The following MUC17 variants were observed in gnomAD, a reference collection of about 807,000 sequenced individuals.
MUC17 encodes mucin-17.
In MUC17, 190 loss-of-function variants were observed where a neutral mutation model predicts 170.3. The ratio of observed to expected loss-of-function variants is 1.12; its 90% CI spans 0.99 to 1.26. MUC17 has a LOEUF of 1.26. MUC17 is among the 50% of genes most tolerant of loss of function. The pLI, the probability that MUC17 is intolerant of heterozygous loss-of-function variation, is 0.00. For synonymous variants in MUC17, 2,325 were observed against 2,002.5 expected (o/e 1.16, Z -4.30); for missense variants, 6,415 against 5,530.0 (o/e 1.16, Z -5.08).
intron 1 of MUC17, among the ~76,000 whole-genome samples, chr7:101,021,514 C>A (rs920399246): frequency 1.2e-4 from 18 of 152,058 alleles, no homozygotes; most frequent in African/African-American, 3.9e-4. Flanking sequence ...TCTGCTCCTC[C>A]CTTCCCTCTT....
chr7:101,043,893 A>G (rs779067497), intron 3 of MUC17, 74 bp downstream of exon 3: 67 of 1,407,726 alleles, frequency 4.8e-5, no homozygotes, highest in Non-Finnish European at 6.2e-5. Context: ...CACAACGTGC[A>G]GGTTTGTTAC....
Position 101,037,745 on chromosome 7 carries a change from G to T in MUC17, c.6329G>T (p.Ser2110Ile). Reference sequence around the variant, plus strand: ...CCTCTACTAACAAGTATACCTCTCAGCACCACGCCGGTGGCCAGTCCTGAG... The same window carrying T: ...CCTCTACTAACAAGTATACCTCTCATCACCACGCCGGTGGCCAGTCCTGAG... ...GSPLLTSIPL[S>I]TTPVASPEAS... Residue 2110 changes from serine to isoleucine, a missense_variant, in exon 3 of 13, where the codon AGC becomes ATC. By Grantham distance (142) the Ser-to-Ile change is moderately radical (BLOSUM62 -2). Coordinates refer to ENST00000306151, the MANE Select transcript of MUC17 (RefSeq NM_001040105.2). 9 of 1,613,832 alleles carry T rather than the reference G, an allele frequency of 5.6e-6. No individual in the cohort carries two copies. Among genetic ancestry groups the T allele is most frequent in the Non-Finnish European group, 6.8e-6 (8 of 1,179,878 alleles).
chr7:101,036,870 G>C lies in MUC17; in HGVS notation c.5454G>C (p.Thr1818=). 6.2e-7 allele frequency: 1 copy of C among 1,607,998 alleles called. No homozygotes were observed. Among genetic ancestry groups the C allele is most frequent in the Non-Finnish European group, 8.5e-7 (1 of 1,177,564 alleles). ...TPLTSTPVSH[T]LVANSEASTL... The stretch of plus-strand genomic sequence containing the variant: ...TAACAAGCACACCTGTCAGCCACAC[G>C]CTGGTGGCCAATTCTGAGGCTAGCA... The change falls in exon 3 of 13, where the codon ACG becomes ACC. Residue 1818 remains threonine, a synonymous_variant. Transcript: ENST00000306151.
chr7:101,042,914 G>A lies in MUC17; in HGVS notation c.11498G>A (p.Ser3833Asn), dbSNP rs757438734. 1 of 1,614,054 alleles carries A rather than the reference G, an allele frequency of 6.2e-7. No individual in the cohort carries two copies. Among genetic ancestry groups the A allele is most frequent in the Non-Finnish European group, 8.5e-7 (1 of 1,180,016 alleles). Residue 3833 changes from serine to asparagine, a missense_variant, in exon 3 of 13, where the codon AGC becomes AAC. Physicochemically the swap from Ser to Asn is conservative, Grantham distance 46. Coordinates refer to ENST00000306151, the MANE Select transcript of MUC17 (RefSeq NM_001040105.2). The stretch of plus-strand genomic sequence containing the variant: ...TCTGTGATGAGTCCTTCTGAGGCCA[G>A]CACACTTTCAACACCTCCTGGTGAT... ...PISVMSPSEA[S>N]TLSTPPGDTS...
intron 3 of MUC17, among the ~76,000 whole-genome samples, 187 bp from the exon 4 acceptor site, chr7:101,047,797 C>T (rs1409508947): frequency 6.6e-6 from 1 of 152,164 alleles, no homozygotes; most frequent in Non-Finnish European, 1.5e-5. Context: ...CGCCATTGCA[C>T]TCCAGCCTGG....
intron 6 of MUC17, among the ~76,000 whole-genome samples, chr7:101,049,810 G>T (rs564640675): frequency 1.3e-5 from 2 of 152,240 alleles, no homozygotes; most frequent in Admixed American, 6.5e-5. Flanking sequence ...ACATTCTGAG[G>T]TTCTGGAGGT....
At position 101,020,190 on chromosome 7, in the gene MUC17, T is replaced by C. The variant is rs778339811; in HGVS notation, c.55T>C (p.Leu19=). Reference sequence around the variant, plus strand: ...TCTGCTGACCTTGGTCCTCTCGCTCTTGCCCCCACAAGCTGCTGCAGAACA... The same window carrying C: ...TCTGCTGACCTTGGTCCTCTCGCTCCTGCCCCCACAAGCTGCTGCAGAACA... ...LCLLTLVLSL[L]PPQAAAEQDL... is the part of the protein sequence containing the mutation. Residue 19 remains leucine (L), a synonymous_variant, in exon 1 of 13, where the codon TTG becomes CTG. Transcript: ENST00000306151. 2 of 1,609,934 alleles carry C rather than the reference T, an allele frequency of 1.2e-6. No individual in the cohort carries two copies. Among genetic ancestry groups the C allele is most frequent in the Non-Finnish European group, 8.5e-7 (1 of 1,178,206 alleles).
At chr7:101,044,263 G>C (rs1348824567) in intron 3 of MUC17, among the ~76,000 whole-genome samples, 1 of 152,094 alleles carries the variant, frequency 6.6e-6, no homozygotes, top group Non-Finnish European at 1.5e-5. Context: ...ATCTGACAAA[G>C]AGCTAATATC....
rs550020068 is a variant in MUC17, at chr7:101,032,443, A to G, written c.1027A>G (p.Thr343Ala). ...STPLTSTPASTMPVATSEMST... is the reference protein window; with the variant it reads ...STPLTSTPASAMPVATSEMST... ...TCCATTAACAAGTACGCCTGCCAGC[A>G]CCATGCCGGTTGCCACTTCTGAAAT... Residue 343 changes from threonine to alanine, a missense_variant, in exon 3 of 13, where the codon ACC (threonine) becomes GCC (alanine). Coordinates refer to ENST00000306151, the MANE Select transcript of MUC17 (RefSeq NM_001040105.2). 6.2e-7 allele frequency: 1 copy of G among 1,613,880 alleles called. No homozygotes were observed. The highest frequency in any genetic ancestry group is 1.7e-5 in the Admixed American group (1 of 60,008).
chr7:101,020,120 C>G lies in MUC17; in HGVS notation c.-16C>G. ...CTCTGGGGGTGACAGGCAAGTGAGA[C>G]GTGCTCAGAGCTCCGATGCCAAGGC... On this transcript the variant is annotated 5_prime_UTR_variant, in exon 1 of 13. Transcript: ENST00000306151. 3.2e-6 allele frequency: 5 copies of G among 1,580,888 alleles called. No individual in the cohort carries two copies. Among genetic ancestry groups the G allele is most frequent in the East Asian group, 4.7e-5 (2 of 42,770 alleles).
At position 101,049,361 on chromosome 7, in the gene MUC17, G is replaced by T. The variant is rs1364213124; in HGVS notation, c.12701G>T (p.Gly4234Val). Residue 4234 changes from glycine to valine, a missense_variant, in exon 6 of 13, where the codon GGG (glycine) becomes GTG (valine). By Grantham distance (109) the Gly-to-Val change is moderately radical. Transcript: ENST00000306151. The part of the protein sequence containing the change: ...IVYSGIPEYV[G>V]VNITKLRLGS... The stretch of plus-strand genomic sequence containing the variant: ...TATTCCGGGATCCCTGAGTATGTCG[G>T]GGTGAACATCACAAAGCTACGGTAA... 6.2e-7 allele frequency: 1 copy of T among 1,613,416 alleles called. No individual in the cohort carries two copies. The highest frequency in any genetic ancestry group is 1.3e-5 in the African/African-American group (1 of 74,896).
rs10243638 is a variant in MUC17, at chr7:101,022,859, C to T, written c.82+2642C>T. Among the ~76,000 whole-genome samples the T allele has an allele frequency of 2.8e-3, 426 of 152,162 alleles. 2 individuals are homozygous for T. The highest frequency in any genetic ancestry group is 9.8e-3 in the African/African-American group (405 of 41,500). ...CACCCACCTCCTCCAGGGAGCCTTC[C>T]AGGAATCTGCACTAACTCTCCTTGC... On this transcript the variant is annotated intron_variant, in intron 1 of 12. Coordinates refer to ENST00000306151, the MANE Select transcript of MUC17 (RefSeq NM_001040105.2).
At chr7:101,028,367 G>A (rs911620610) in intron 1 of MUC17, among the ~76,000 whole-genome samples, 1 of 152,018 alleles carries the variant, frequency 6.6e-6, no homozygotes, top group Admixed American at 6.6e-5. Context: ...GGGATTACAG[G>A]CATAAGCCAC....
chr7:101,052,997 C>G lies in MUC17; in HGVS notation c.13115C>G (p.Thr4372Arg), dbSNP rs199864047. The G allele has an allele frequency of 1.2e-6, 2 of 1,612,872 alleles. No homozygotes were observed. The highest frequency in any genetic ancestry group is 8.5e-7 in the Non-Finnish European group (1 of 1,179,404). The change falls in exon 10 of 13, where the codon ACG becomes AGG. Residue 4372 changes from threonine to arginine, a missense_variant. Coordinates refer to ENST00000306151, the MANE Select transcript of MUC17 (RefSeq NM_001040105.2). The part of the protein sequence containing the change: ...LSGPQCLCVT[T>R]ETHWYSGETC... Reference sequence around the variant, plus strand: ...CTCTCCCATCTCAGCTGCGTGACCACGGAAACTCACTGGTACAGTGGGGAG... The same window carrying G: ...CTCTCCCATCTCAGCTGCGTGACCAGGGAAACTCACTGGTACAGTGGGGAG...
At chr7:101,046,803 G>A (rs372607848) in intron 3 of MUC17, among the ~76,000 whole-genome samples, 2 of 152,048 alleles carry the variant, frequency 1.3e-5, no homozygotes, top group African/African-American at 2.4e-5. Context: ...TAAAATGCCC[G>A]GCACAGTGGC....
chr7:101,042,400 AC>A lies in MUC17; in HGVS notation c.10986del (p.Ser3663AlafsTer4). ...CACAGCTTCAACACTTCCTGTTGAC[AC>A]CAGCACACCTGTGATCACTTCTACC... ...AGTASTLPVD[T>X]STPVITSTQV... On this transcript the variant is annotated frameshift_variant, in exon 3 of 13. Coordinates refer to ENST00000306151, the MANE Select transcript of MUC17 (RefSeq NM_001040105.2). LOFTEE classifies it high-confidence loss of function. 1 of 1,614,126 alleles carries A rather than the reference AC, an allele frequency of 6.2e-7. No homozygotes were observed. The highest frequency in any genetic ancestry group is 8.5e-7 in the Non-Finnish European group (1 of 1,179,978).
intron 1 of MUC17, 103 bp downstream of exon 1, chr7:101,020,320 A>AG: frequency 1.1e-6 from 1 of 922,844 alleles, no homozygotes; most frequent in Non-Finnish European, 1.6e-6. Flanking sequence ...GGACACCAAT[A>AG]GGGGTGTGCC....
intron 1 of MUC17, among the ~76,000 whole-genome samples, chr7:101,024,816 C>A (rs1209890804): frequency 8.3e-5 from 12 of 144,350 alleles, no homozygotes; most frequent in African/African-American, 2.9e-4. Context: ...GATGTCAGCT[C>A]ACTGCAACCT....
At chr7:101,056,930 T>A (rs116249972) in intron 12 of MUC17, among the ~76,000 whole-genome samples, 1 of 152,270 alleles carries the variant, frequency 6.6e-6, no homozygotes, top group Non-Finnish European at 1.5e-5. Flanking sequence ...TAGAATGGGC[T>A]CCTACATTTT....
Sources: allele counts gnomAD v4.1 joint callset (sites outside exome capture counted in the v4.1 genomes callset), GRCh38; gene constraint gnomAD v4.1.1; transcripts MANE v1.5; gene names NCBI Gene and HGNC (gene_info 2026-07-23, HGNC 2026-07-21).